The following CNTN4 variants were observed in gnomAD, a reference collection of about 807,000 sequenced individuals.
The protein encoded by CNTN4 is contactin 4, also known as contactin-4.
A neutral mutation model predicts 122.5 loss-of-function variants in CNTN4; 77 were observed. The observed-to-expected ratio is 0.63, with a 90% confidence interval of 0.52 to 0.76. CNTN4 has a LOEUF of 0.76. Among genes scored for constraint, CNTN4 ranks in the 30% least tolerant of loss-of-function variants. CNTN4 has a pLI of 0.00. For synonymous variants in CNTN4, 512 were observed against 447.0 expected (o/e 1.15, Z -1.83); for missense variants, 1,256 against 1,259.1 (o/e 1.00, Z 0.04).
Position 2,728,962 on chromosome 3 carries a change from A to G in CNTN4, c.56-7253A>G, listed in dbSNP as rs139299801. On this transcript the variant is annotated intron_variant, in intron 4 of 24. Transcript: ENST00000418658. ...GTTATGGCAGCACTTCATACCTGCC[A>G]TTAGGATTAAGGGCTTAAACAAGTT... 8.2e-3 allele frequency among the ~76,000 whole-genome samples: 1,242 copies of G among 152,354 alleles called. 25 individuals are homozygous for G. The highest frequency in any genetic ancestry group is 0.028 in the African/African-American group (1,184 of 41,580).
chr3:2,297,835 G>C (rs1172038944), intron 2 of CNTN4, among the ~76,000 whole-genome samples: 1 of 152,070 alleles, frequency 6.6e-6, no homozygotes, highest in East Asian at 1.9e-4. Context: ...GGCTCAAGCA[G>C]TCCTCCCATC....
chr3:2,822,602 T>C (rs898856622), intron 7 of CNTN4, among the ~76,000 whole-genome samples: 1 of 152,220 alleles, frequency 6.6e-6, no homozygotes, highest in Non-Finnish European at 1.5e-5. Context: ...GCATTAAGTT[T>C]TCATCACATG....
chr3:2,179,065 G>A (rs1044876424), intron 2 of CNTN4, among the ~76,000 whole-genome samples: 1 of 151,932 alleles, frequency 6.6e-6, no homozygotes, highest in Admixed American at 6.6e-5. Context: ...CTCATACTCC[G>A]AGGTAATAAT....
chr3:3,033,751 G>A (rs959841270), intron 16 of CNTN4, among the ~76,000 whole-genome samples: 12 of 152,136 alleles, frequency 7.9e-5, no homozygotes, highest in African/African-American at 2.2e-4. Context: ...GGATAGCTGC[G>A]GGTCTTTGCT....
At chr3:2,399,622 T>C (rs1260389653) in intron 3 of CNTN4, among the ~76,000 whole-genome samples, 1 of 152,052 alleles carries the variant, frequency 6.6e-6, no homozygotes, top group East Asian at 1.9e-4. Flanking sequence ...TTGAATGAGA[T>C]AACACATGTA....
chr3:2,123,331 C>G (rs1431983422), intron 2 of CNTN4, among the ~76,000 whole-genome samples: 1 of 152,250 alleles, frequency 6.6e-6, no homozygotes, highest in East Asian at 1.9e-4. Flanking sequence ...CTATCTCCCT[C>G]TGCCTGCTTC....
At chr3:2,326,667 A>G (rs534007102) in intron 2 of CNTN4, among the ~76,000 whole-genome samples, 1 of 152,296 alleles carries the variant, frequency 6.6e-6, no homozygotes, top group South Asian at 2.1e-4. Flanking sequence ...TGGTCACTGG[A>G]TGCCTTACAA....
chr3:2,307,609 G>C (rs965258601), intron 2 of CNTN4, among the ~76,000 whole-genome samples: 6 of 137,344 alleles, frequency 4.4e-5, no homozygotes, highest in South Asian at 2.2e-4. Context: ...CTAGTTCCTT[G>C]AGTGTTTTTT....
intron 13 of CNTN4, among the ~76,000 whole-genome samples, chr3:2,950,939 T>C (rs1047918659): frequency 1.3e-5 from 2 of 152,250 alleles, no homozygotes; most frequent in Admixed American, 6.5e-5. Context: ...AGCATAGTAC[T>C]TGACACATAA....
intron 3 of CNTN4, among the ~76,000 whole-genome samples, chr3:2,423,689 A>G (rs867144897): frequency 5.3e-5 from 8 of 152,032 alleles, no homozygotes; most frequent in Admixed American, 2.6e-4. Flanking sequence ...TTAGATTGCT[A>G]TCTAGCTATT....
intron 3 of CNTN4, among the ~76,000 whole-genome samples, chr3:2,397,471 T>G (rs2046682199): frequency 6.6e-6 from 1 of 151,818 alleles, no homozygotes; most frequent in Non-Finnish European, 1.5e-5. Context: ...GAGCACAAGA[T>G]TAGTCTCCTT....
intron 4 of CNTN4, among the ~76,000 whole-genome samples, chr3:2,606,769 T>A (rs2081277623): frequency 2.6e-5 from 4 of 152,224 alleles, no homozygotes. Context: ...TTAAGGTCTG[T>A]GTCTTTAAAA....
At chr3:2,662,733 T>C (rs1414199082) in intron 4 of CNTN4, among the ~76,000 whole-genome samples, 1 of 152,174 alleles carries the variant, frequency 6.6e-6, no homozygotes, top group Admixed American at 6.6e-5. Context: ...AGGGCAATCA[T>C]GGCACTATTG....
At chr3:2,979,702 A>G (rs1693780881) in intron 13 of CNTN4, among the ~76,000 whole-genome samples, 1 of 151,912 alleles carries the variant, frequency 6.6e-6, no homozygotes, top group South Asian at 2.1e-4. Context: ...TTAACATAAC[A>G]GTTTGTCACT....
At chr3:2,925,330 C>T (rs1041350487) in intron 12 of CNTN4, among the ~76,000 whole-genome samples, 1 of 152,046 alleles carries the variant, frequency 6.6e-6, no homozygotes, top group Admixed American at 6.6e-5. Context: ...CTGAGGCGGG[C>T]GGATCACGAG....
intron 14 of CNTN4, among the ~76,000 whole-genome samples, chr3:2,995,266 G>A (rs1181667439): frequency 6.6e-6 from 1 of 152,140 alleles, no homozygotes; most frequent in African/African-American, 2.4e-5. Flanking sequence ...GACATAACCT[G>A]GAAATCTGAT....
chr3:2,113,041 A>G (rs1228745525), intron 2 of CNTN4, among the ~76,000 whole-genome samples: 2 of 152,206 alleles, frequency 1.3e-5, no homozygotes, highest in Non-Finnish European at 2.9e-5. Context: ...TTCAATGGAA[A>G]GGATGGTAGA....
chr3:2,269,142 T>G (rs758627005), intron 2 of CNTN4, among the ~76,000 whole-genome samples: 86 of 152,230 alleles, frequency 5.6e-4, no homozygotes, highest in Middle Eastern at 3.4e-3. Flanking sequence ...AGCAACGTTT[T>G]CAAAGGTGTA....
intron 2 of CNTN4, among the ~76,000 whole-genome samples, chr3:2,170,281 C>T (rs2036439227): frequency 1.3e-5 from 2 of 151,918 alleles, no homozygotes; most frequent in Admixed American, 6.6e-5. Flanking sequence ...GATCGCGCCA[C>T]CGCACTCCAG....
Sources: allele counts gnomAD v4.1 joint callset (sites outside exome capture counted in the v4.1 genomes callset), GRCh38; gene constraint gnomAD v4.1.1; transcripts MANE v1.5; gene names NCBI Gene and HGNC (gene_info 2026-07-23, HGNC 2026-07-21).